Variants in THOC2 observed in about 807,000 individuals in gnomAD.
THOC2 encodes the protein THO complex subunit 2.
A neutral mutation model predicts 128.4 loss-of-function variants in THOC2; 10 were observed. The ratio of observed to expected loss-of-function variants is 0.08; its 90% CI spans 0.05 to 0.13. THOC2 has a LOEUF of 0.13. Among genes scored for constraint, THOC2 ranks in the 10% least tolerant of loss-of-function variants. The probability of loss-of-function intolerance (pLI) is 1.00; values close to 1 mark genes in which losing one functional copy is unlikely to be tolerated. For missense variants in THOC2, 535 were observed against 1,155.7 expected (o/e 0.46, Z 7.79); for synonymous variants, 393 against 396.9 (o/e 0.99, Z 0.12).
intron 12 of THOC2, among the ~76,000 whole-genome samples, chrX:123,664,329 T>C (rs1481472032): frequency 8.9e-6 from 1 of 112,011 alleles, no homozygotes; most frequent in Non-Finnish European, 1.9e-5. Context: ...CAAAAAGCAA[T>C]GGCAACAAAA....
Position 123,645,388 on chromosome X carries a change from A to G in THOC2, c.1387-13T>C. ...CATCAGACTGAAACTACAATTTAAA[A>G]AAAGAAATTAATAAAATACAAAAAG... is the stretch of plus-strand genomic sequence containing the variant. On this transcript the variant is annotated splice_polypyrimidine_tract_variant and intron_variant, in intron 12 of 38. Coordinates refer to ENST00000245838, the MANE Select transcript of THOC2 (RefSeq NM_001081550.2). 9.9e-7 allele frequency: 1 copy of G among 1,014,680 alleles called. No individual in the cohort carries two copies. The highest frequency in any genetic ancestry group is 1.3e-6 in the Non-Finnish European group (1 of 742,589). The allele number at this position is 1,014,680 out of a possible 1,213,427, so 83.6% of individuals were successfully genotyped here.
At chrX:123,698,558 A>G (rs1408023037) in intron 4 of THOC2, among the ~76,000 whole-genome samples, 1 of 109,445 alleles carries the variant, frequency 9.1e-6, no homozygotes, top group African/African-American at 3.3e-5. Flanking sequence ...CTACCTGGCC[A>G]CCAACCTTAT....
chrX:123,613,789 C>T, intron 34 of THOC2, 81 bp from the exon 35 acceptor site: 1 of 928,847 alleles, frequency 1.1e-6, no homozygotes, highest in Non-Finnish European at 1.5e-6. Context: ...GAGAAGGGCA[C>T]AGCTAACTAG....
At chrX:123,601,496 G>A in intron 38 of THOC2, 158 bp from the exon 39 acceptor site, 1 of 100,676 alleles carries the variant, frequency 9.9e-6, no homozygotes. Flanking sequence ...AGGGAGGGAG[G>A]GAGGGAGGGG....
intron 4 of THOC2, among the ~76,000 whole-genome samples, chrX:123,701,283 G>A (rs1472944131): frequency 1.8e-5 from 2 of 112,232 alleles, no homozygotes; most frequent in African/African-American, 6.5e-5. Flanking sequence ...TAGAACCCAG[G>A]AAGCAGAGGT....
chrX:123,682,569 T>C (rs2049830093), intron 8 of THOC2, among the ~76,000 whole-genome samples: 1 of 112,206 alleles, frequency 8.9e-6, no homozygotes, highest in African/African-American at 3.2e-5. Flanking sequence ...TTCATGTCTT[T>C]GCTTAAATCT....
At chrX:123,654,884 G>A (rs1235335756) in intron 12 of THOC2, among the ~76,000 whole-genome samples, 1 of 109,630 alleles carries the variant, frequency 9.1e-6, no homozygotes, top group African/African-American at 3.3e-5. Context: ...GTAGCTGATC[G>A]GGCTGCATAA....
chrX:123,676,701 T>C (rs1446934010), intron 8 of THOC2, among the ~76,000 whole-genome samples: 1 of 111,797 alleles, frequency 8.9e-6, no homozygotes, highest in African/African-American at 3.3e-5. Context: ...TATTAGCCTC[T>C]GTCACTCTCT....
intron 36 of THOC2, 140 bp downstream of exon 36, chrX:123,613,259 C>T (rs11796027): frequency 0.042 from 24,337 of 582,100 alleles, 439 homozygotes; most frequent in Non-Finnish European, 0.054. Context: ...ACGGAATGCC[C>T]TCCCTCAATA....
intron 33 of THOC2, among the ~76,000 whole-genome samples, chrX:123,616,280 G>A (rs1473954603): frequency 9.0e-6 from 1 of 110,528 alleles, no homozygotes; most frequent in Non-Finnish European, 1.9e-5. Flanking sequence ...AAGAGCTAAG[G>A]TGCCTTTCTA....
intron 3 of THOC2, among the ~76,000 whole-genome samples, chrX:123,704,965 T>G (rs897681553): frequency 3.6e-5 from 4 of 112,366 alleles, no homozygotes; most frequent in Non-Finnish European, 7.5e-5. Flanking sequence ...ACGCTCAATT[T>G]TAGGGCTATT....
intron 8 of THOC2, among the ~76,000 whole-genome samples, chrX:123,678,036 C>T (rs927432954): frequency 2.7e-5 from 3 of 110,597 alleles, no homozygotes; most frequent in African/African-American, 9.9e-5. Flanking sequence ...GGGGCAATAA[C>T]ACTCATGAAG....
At chrX:123,726,833 GA>G (rs1179377109) in intron 1 of THOC2, among the ~76,000 whole-genome samples, 1 of 112,078 alleles carries the variant, frequency 8.9e-6, no homozygotes, top group Non-Finnish European at 1.9e-5. Flanking sequence ...GTTGCATATG[GA>G]ACCATTGAAA....
At chrX:123,622,954 C>A in intron 29 of THOC2, 94 bp from the exon 30 acceptor site, 1 of 881,961 alleles carries the variant, frequency 1.1e-6, no homozygotes. Flanking sequence ...TAGAAAGAAA[C>A]AGCAAGCTGA....
intron 16 of THOC2, 48 bp downstream of exon 16, chrX:123,640,490 G>T: frequency 1.1e-6 from 1 of 911,567 alleles, no homozygotes; most frequent in Middle Eastern, 2.8e-4. Flanking sequence ...TGATTTAAAG[G>T]CAACAGAAAG....
rs755019032 is a variant in THOC2 at position 123,636,874 on chromosome X, A to G, written c.1922-699T>C. ...CACAAGTCCTGCCCTCAAGGAGCTG[A>G]GTCTAGTGGAAGATACAGAAAAGTA... On this transcript the variant is annotated intron_variant, in intron 18 of 38. Coordinates refer to ENST00000245838, the MANE Select transcript of THOC2 (RefSeq NM_001081550.2). 3.6e-5 allele frequency among the ~76,000 whole-genome samples: 4 copies of G among 112,190 alleles called. No homozygotes were observed. In the East Asian group the frequency reaches 1.1e-3, roughly 31 times the overall value.
At chrX:123,671,280 T>C (rs974017283) in intron 9 of THOC2, among the ~76,000 whole-genome samples, 6 of 111,869 alleles carry the variant, frequency 5.4e-5, no homozygotes, top group Non-Finnish European at 3.8e-5. Flanking sequence ...AAGCAGTATA[T>C]AGGTAACTTT....
chrX:123,684,531 C>T (rs910324887), intron 8 of THOC2, among the ~76,000 whole-genome samples: 4 of 111,182 alleles, frequency 3.6e-5, no homozygotes, highest in Non-Finnish European at 7.5e-5. Context: ...TTACAGGTGC[C>T]CGCCACCACG....
chrX:123,607,497 TCTCA>T (rs914932655), intron 38 of THOC2, among the ~76,000 whole-genome samples: 2 of 107,993 alleles, frequency 1.9e-5, no homozygotes, highest in African/African-American at 6.8e-5. Context: ...AGAAATGGGG[TCTCA>T]CTATGTTGCC....
Sources: gnomAD v4.1 joint callset for allele counts (sites outside exome capture counted in the v4.1 genomes callset) on GRCh38, gnomAD v4.1.1 for gene constraint, MANE v1.5 for transcripts, NCBI Gene and HGNC (gene_info 2026-07-23, HGNC 2026-07-21) for gene names.